Variants in SHROOM3 observed in about 807,000 individuals in gnomAD.
The protein encoded by SHROOM3 is protein Shroom3.
Under a neutral mutation model 138.6 loss-of-function variants are expected in SHROOM3, and 47 were observed. The observed-to-expected ratio is 0.34, with a 90% CI of 0.27 to 0.43. The LOEUF (loss-of-function observed/expected upper bound fraction) is 0.43, where lower values mean the gene tolerates loss of function less well. Among genes scored for constraint, SHROOM3 ranks in the 20% least tolerant of loss-of-function variants. The pLI is 1.00. For missense variants in SHROOM3, 2,491 were observed against 2,596.5 expected, an observed-to-expected ratio of 0.96 and a Z score of 0.88; for synonymous variants, 1,062 against 1,063.3, an observed-to-expected ratio of 1.00 and a Z score of 0.02.
chr4:76,529,496 A>G (rs1399101796), intron 1 of SHROOM3, among the ~76,000 whole-genome samples: 3 of 151,584 alleles, frequency 2.0e-5, no homozygotes, highest in Non-Finnish European at 4.4e-5. Flanking sequence ...TTTTGTGTAT[A>G]TATATATTTT....
chr4:76,756,405 TTCTCTC>T (rs11383066), intron 7 of SHROOM3, 38 bp from the exon 8 acceptor site: 7 of 1,480,022 alleles, frequency 4.7e-6, no homozygotes, highest in Non-Finnish European at 3.7e-6. Flanking sequence ...CACTCTCTCT[TTCTCTC>T]TCTCTCTTTT....
chr4:76,463,582 A>G (rs982999630), intron 1 of SHROOM3, among the ~76,000 whole-genome samples: 1 of 152,222 alleles, frequency 6.6e-6, no homozygotes, highest in African/African-American at 2.4e-5. Flanking sequence ...ACAATGGGGA[A>G]AATGTCTCCA....
chr4:76,469,721 T>A (rs1731328606), intron 1 of SHROOM3, among the ~76,000 whole-genome samples: 1 of 152,190 alleles, frequency 6.6e-6, no homozygotes, highest in Non-Finnish European at 1.5e-5. Flanking sequence ...CCTCCCAAAG[T>A]GCTGGGATTA....
In SHROOM3 at chr4:76,730,874, A is replaced by T. The variant is rs758375184; in HGVS notation, c.526A>T (p.Ser176Cys). The stretch of plus-strand genomic sequence containing the variant: ...ATCTGGGGAGAAGCAACCCGATGCC[A>T]GCATGATGCAGATATCTCAGGGTAT... Reference protein sequence around the residue: ...TKSGEKQPDASMMQISQGMIG... With the variant: ...TKSGEKQPDACMMQISQGMIG... The change falls in exon 4 of 11, where the codon AGC becomes TGC. Residue 176 changes from serine to cysteine, a missense_variant. By Grantham distance (112) the Ser-to-Cys change is moderately radical (BLOSUM62 -1). Coordinates refer to ENST00000296043, the MANE Select transcript of SHROOM3 (RefSeq NM_020859.4). The T allele has an allele frequency of 8.7e-6, 14 of 1,614,146 alleles. No homozygotes were observed. Among genetic ancestry groups the T allele is most frequent in the African/African-American group, 1.3e-5 (1 of 75,054 alleles).
Position 76,583,854 on chromosome 4 carries a change from T to A in SHROOM3, c.323+28091T>A, listed in dbSNP as rs10011454. On this transcript the variant is annotated intron_variant, in intron 2 of 10. Coordinates refer to ENST00000296043, the MANE Select transcript of SHROOM3 (RefSeq NM_020859.4). ...GAACCACATGAAATTTCTATTGTAG[T>A]GGACCAAAAATTATCAAATATTGGC... Among the ~76,000 whole-genome samples, 467 of 152,320 alleles carry A rather than the reference T, an allele frequency of 3.1e-3. 3 individuals carry two copies. The highest frequency in any genetic ancestry group is 0.01 in the African/African-American group (430 of 41,568).
intron 2 of SHROOM3, among the ~76,000 whole-genome samples, chr4:76,576,810 T>G (rs559629733): frequency 6.6e-6 from 1 of 152,154 alleles, no homozygotes; most frequent in South Asian, 2.1e-4. Flanking sequence ...AATTAAAATG[T>G]TAAAATAAAA....
At chr4:76,568,946 A>G (rs896487044) in intron 2 of SHROOM3, among the ~76,000 whole-genome samples, 1 of 152,172 alleles carries the variant, frequency 6.6e-6, no homozygotes, top group East Asian at 1.9e-4. Context: ...AACCATCCAC[A>G]CTTCATATGG....
chr4:76,729,229 T>C (rs1202396043), intron 3 of SHROOM3, among the ~76,000 whole-genome samples: 3 of 152,200 alleles, frequency 2.0e-5, no homozygotes, highest in African/African-American at 7.2e-5. Flanking sequence ...GGTATTCAGT[T>C]TAAATCTGGA....
At chr4:76,577,018 A>G (rs1733953362) in intron 2 of SHROOM3, among the ~76,000 whole-genome samples, 1 of 152,186 alleles carries the variant, frequency 6.6e-6, no homozygotes, top group African/African-American at 2.4e-5. Context: ...CCTGGAGGTT[A>G]GGGTTCAGAA....
intron 1 of SHROOM3, among the ~76,000 whole-genome samples, chr4:76,450,622 G>A (rs538747194): frequency 5.3e-5 from 8 of 152,166 alleles, no homozygotes; most frequent in African/African-American, 9.6e-5. Flanking sequence ...CAGACACAAA[G>A]GAACATATTT....
At chr4:76,510,093 A>G (rs1732300926) in intron 1 of SHROOM3, among the ~76,000 whole-genome samples, 1 of 152,190 alleles carries the variant, frequency 6.6e-6, no homozygotes, top group Non-Finnish European at 1.5e-5. Flanking sequence ...CAAAATCCTC[A>G]GTTAAGATTG....
At chr4:76,755,530 C>CA (rs1206319147) in intron 7 of SHROOM3, among the ~76,000 whole-genome samples, 1 of 152,098 alleles carries the variant, frequency 6.6e-6, no homozygotes, top group African/African-American at 2.4e-5. Flanking sequence ...ATATAGAAGA[C>CA]AAAAACATCA....
chr4:76,682,637 A>G (rs1457511796), intron 2 of SHROOM3, among the ~76,000 whole-genome samples: 2 of 152,070 alleles, frequency 1.3e-5, no homozygotes, highest in African/African-American at 2.4e-5. Flanking sequence ...AGGAAAGGTA[A>G]GAAGGAAAAA....
intron 3 of SHROOM3, among the ~76,000 whole-genome samples, chr4:76,725,973 T>C (rs564461359): frequency 2.4e-4 from 37 of 152,216 alleles, no homozygotes; most frequent in Non-Finnish European, 4.4e-4. Flanking sequence ...TTCAGTCTTC[T>C]AGCTACCACC....
chr4:76,757,803 A>T (rs1403802810), intron 8 of SHROOM3, among the ~76,000 whole-genome samples: 2 of 152,178 alleles, frequency 1.3e-5, no homozygotes, highest in East Asian at 3.8e-4. Flanking sequence ...TTATTTCCTT[A>T]AAAGACTACT....
intron 2 of SHROOM3, among the ~76,000 whole-genome samples, chr4:76,620,070 CAA>C (rs68039696): frequency 0.015 from 918 of 61,072 alleles, 6 homozygotes; most frequent in South Asian, 0.034. Flanking sequence ...GAATCTATCT[CAA>C]AAAAAAAAAA....
intron 2 of SHROOM3, among the ~76,000 whole-genome samples, chr4:76,603,289 G>A (rs539369907): frequency 7.9e-5 from 12 of 152,184 alleles, no homozygotes; most frequent in Admixed American, 2.0e-4. Context: ...GTGGTCGCAC[G>A]CACCTGTAGT....
At position 76,770,638 on chromosome 4, in the gene SHROOM3, G is replaced by C; in HGVS notation, c.5362G>C (p.Gly1788Arg). 2 of 1,614,030 alleles carry C rather than the reference G, an allele frequency of 1.2e-6. No individual in the cohort carries two copies. Among genetic ancestry groups the C allele is most frequent in the Non-Finnish European group, 1.7e-6 (2 of 1,180,018 alleles). ...DVNEKKAELI[G>R]SLTHKLETLQ... ...TCTGTCATTTCAGGCTGAGCTCATTGGAAGTCTCACCCACAAGCTGGAGAC... is the reference window on the plus strand; with the variant it reads ...TCTGTCATTTCAGGCTGAGCTCATTCGAAGTCTCACCCACAAGCTGGAGAC... The change falls in exon 10 of 11, where the codon GGA (glycine) becomes CGA (arginine). Residue 1788 changes from glycine (G) to arginine (R), a missense_variant. Physicochemically the swap from Gly to Arg is moderately radical, Grantham distance 125 (BLOSUM62 -2). Coordinates refer to ENST00000296043, the MANE Select transcript of SHROOM3 (RefSeq NM_020859.4).
At chr4:76,497,497 T>C (rs1731992406) in intron 1 of SHROOM3, among the ~76,000 whole-genome samples, 1 of 152,154 alleles carries the variant, frequency 6.6e-6, no homozygotes, top group Non-Finnish European at 1.5e-5. Flanking sequence ...GGGGAAAGAA[T>C]ATCCAAGGCA....
Sources: allele counts gnomAD v4.1 joint callset (sites outside exome capture counted in the v4.1 genomes callset), GRCh38; gene constraint gnomAD v4.1.1; transcripts MANE v1.5; gene names NCBI Gene and HGNC (gene_info 2026-07-23, HGNC 2026-07-21).